SLC49A4: variants seen among roughly 807,000 people sequenced by gnomAD.
SLC49A4 encodes disrupted in renal cancer protein 2.
Under a neutral mutation model 50.6 loss-of-function variants are expected in SLC49A4, and 36 were observed. That is an observed-to-expected ratio of 0.71 (90% CI 0.55 to 0.94). The LOEUF (loss-of-function observed/expected upper bound fraction) is 0.94, where lower values mean the gene tolerates loss of function less well. Ranked by LOEUF, SLC49A4 falls within the 40% of genes least tolerant of loss-of-function variation. The pLI is 0.00. For synonymous variants in SLC49A4, 248 were observed against 241.2 expected (o/e 1.03, Z -0.26); for missense variants, 503 against 605.7 (o/e 0.83, Z 1.78).
intron 8 of SLC49A4, among the ~76,000 whole-genome samples, chr3:122,876,103 T>C (rs1007515491): frequency 1.3e-5 from 2 of 152,218 alleles, no homozygotes; most frequent in Non-Finnish European, 2.9e-5. Flanking sequence ...TTTGTAAAAC[T>C]GAGTTGCTTC....
chr3:122,867,456 A>G (rs188811799), intron 7 of SLC49A4, among the ~76,000 whole-genome samples: 71 of 152,342 alleles, frequency 4.7e-4, no homozygotes, highest in Non-Finnish European at 8.4e-4. Flanking sequence ...GGTCACTTCA[A>G]CTGTAAAATA....
At chr3:122,814,627 T>G (rs1252189299) in intron 2 of SLC49A4, among the ~76,000 whole-genome samples, 2 of 152,206 alleles carry the variant, frequency 1.3e-5, no homozygotes, top group African/African-American at 4.8e-5. Context: ...TGAGGCTCAA[T>G]AAGGTAGAAG....
chr3:122,852,426 A>G (rs780931752), intron 5 of SLC49A4, among the ~76,000 whole-genome samples: 1 of 152,248 alleles, frequency 6.6e-6, no homozygotes, highest in Non-Finnish European at 1.5e-5. Context: ...AGGTCTATTT[A>G]TATGTTTGAT....
chr3:122,837,507 T>C (rs955812344), intron 4 of SLC49A4, among the ~76,000 whole-genome samples: 48 of 152,268 alleles, frequency 3.2e-4, no homozygotes, highest in African/African-American at 1.1e-3. Flanking sequence ...TGGCTAGCCA[T>C]ATGTAGAAAG....
At chr3:122,856,187 G>A in intron 5 of SLC49A4, 120 bp from the exon 6 acceptor site, 9 of 835,848 alleles carry the variant, frequency 1.1e-5, no homozygotes, top group South Asian at 1.0e-4. Context: ...AGTTACACAT[G>A]AATTCTTTTA....
At chr3:122,877,923 T>C (rs1937285759) in intron 8 of SLC49A4, among the ~76,000 whole-genome samples, 1 of 152,166 alleles carries the variant, frequency 6.6e-6, no homozygotes, top group South Asian at 2.1e-4. Flanking sequence ...TGCATAAAAA[T>C]ACCATTGAAA....
chr3:122,796,320 A>G (rs1006823447), intron 1 of SLC49A4, among the ~76,000 whole-genome samples: 6 of 152,222 alleles, frequency 3.9e-5, no homozygotes, highest in African/African-American at 1.4e-4. Context: ...TTATTAATTG[A>G]ATAATGCCTG....
chr3:122,861,842 G>T (rs1937060463), intron 7 of SLC49A4, among the ~76,000 whole-genome samples: 1 of 152,108 alleles, frequency 6.6e-6, no homozygotes, highest in Admixed American at 6.5e-5. Context: ...AGCTCACAAG[G>T]GCAGCACAGG....
At chr3:122,872,385 G>A (rs757803110) in intron 7 of SLC49A4, 30 bp from the exon 8 acceptor site, 10 of 1,580,646 alleles carry the variant, frequency 6.3e-6, no homozygotes, top group Admixed American at 5.2e-5. Context: ...CCGCTAGTGT[G>A]AAACTAAAAT....
chr3:122,815,756 G>A (rs200536138), intron 2 of SLC49A4, among the ~76,000 whole-genome samples: 2 of 146,856 alleles, frequency 1.4e-5, no homozygotes, highest in Non-Finnish European at 3.1e-5. Flanking sequence ...TGTGGCTTTT[G>A]GCTTTGTCCT....
At chr3:122,865,105 G>A (rs1263168564) in intron 7 of SLC49A4, among the ~76,000 whole-genome samples, 2 of 152,180 alleles carry the variant, frequency 1.3e-5, no homozygotes, top group Non-Finnish European at 1.5e-5. Context: ...CTTAACTACT[G>A]TTTTCAATTT....
chr3:122,858,682 A>G (rs907707615), intron 6 of SLC49A4, among the ~76,000 whole-genome samples: 1 of 152,216 alleles, frequency 6.6e-6, no homozygotes, highest in Non-Finnish European at 1.5e-5. Flanking sequence ...CATAATTACA[A>G]TAGAAATGTA....
At chr3:122,846,351 G>A (rs530088419) in intron 5 of SLC49A4, among the ~76,000 whole-genome samples, 1 of 152,104 alleles carries the variant, frequency 6.6e-6, no homozygotes, top group South Asian at 2.1e-4. Flanking sequence ...AAGGAGGAGA[G>A]AGAAATTTTG....
chr3:122,842,214 C>T (rs1197305673), intron 4 of SLC49A4, among the ~76,000 whole-genome samples: 1 of 151,816 alleles, frequency 6.6e-6, no homozygotes, highest in Non-Finnish European at 1.5e-5. Context: ...AGGCCGGGCG[C>T]GGTGGCTCAC....
rs1935994398 is a variant in SLC49A4 at position 122,795,162 on chromosome 3, C to T, written c.-31C>T. On this transcript the variant is annotated 5_prime_UTR_variant, in exon 1 of 9. Coordinates refer to ENST00000261038, the MANE Select transcript of SLC49A4 (RefSeq NM_032839.3). ...TAGTCGGCGGTGACCCGGACTGCGCCCGGCAGTGGCTTCGCGGGCGACGCG... is the reference window on the plus strand; with the variant it reads ...TAGTCGGCGGTGACCCGGACTGCGCTCGGCAGTGGCTTCGCGGGCGACGCG... 6 of 1,312,310 alleles carry T rather than the reference C, an allele frequency of 4.6e-6. No homozygotes were observed. The highest frequency in any genetic ancestry group is 5.8e-6 in the Non-Finnish European group (6 of 1,039,954). 81.3% of individuals were successfully genotyped at this position (1,312,310 alleles called of 1,614,324 possible).
chr3:122,834,411 AC>A (rs1245326743), intron 4 of SLC49A4, among the ~76,000 whole-genome samples: 1 of 152,156 alleles, frequency 6.6e-6, no homozygotes, highest in Non-Finnish European at 1.5e-5. Flanking sequence ...TCCAAAAGGA[AC>A]CCTCAAAACT....
intron 4 of SLC49A4, among the ~76,000 whole-genome samples, chr3:122,841,476 C>A (rs1223606729): frequency 6.6e-6 from 1 of 152,214 alleles, no homozygotes; most frequent in Non-Finnish European, 1.5e-5. Flanking sequence ...ACACATGCCC[C>A]AGCATGCACA....
intron 5 of SLC49A4, among the ~76,000 whole-genome samples, chr3:122,848,975 C>T (rs1380780625): frequency 2.0e-5 from 3 of 152,180 alleles, no homozygotes; most frequent in Non-Finnish European, 4.4e-5. Flanking sequence ...CACCCTTCTT[C>T]ATCAGCAGCT....
chr3:122,828,298 A>C (rs527625703), intron 3 of SLC49A4, among the ~76,000 whole-genome samples: 1 of 152,206 alleles, frequency 6.6e-6, no homozygotes, highest in Non-Finnish European at 1.5e-5. Context: ...CCAAAGGCCT[A>C]CAATTGCTCT....
Sources: allele counts gnomAD v4.1 joint callset (sites outside exome capture counted in the v4.1 genomes callset), GRCh38; gene constraint gnomAD v4.1.1; transcripts MANE v1.5; gene names NCBI Gene and HGNC (gene_info 2026-07-23, HGNC 2026-07-21).